The following HPSE2 variants were observed in gnomAD, a reference collection of about 807,000 sequenced individuals.
HPSE2 encodes inactive heparanase-2.
In HPSE2, 38 loss-of-function variants were observed where a neutral mutation model predicts 60.5. The observed-to-expected ratio is 0.63, with a 90% CI of 0.48 to 0.82. HPSE2 has a LOEUF of 0.82. Ranked by LOEUF, HPSE2 falls within the 40% of genes least tolerant of loss-of-function variation. The probability of loss-of-function intolerance (pLI) is 0.00; values close to 1 mark genes in which losing one functional copy is unlikely to be tolerated. For synonymous variants in HPSE2, 295 were observed against 293.2 expected, an observed-to-expected ratio of 1.01 and a Z score of -0.06; for missense variants, 713 against 740.4, an observed-to-expected ratio of 0.96 and a Z score of 0.43.
intron 9 of HPSE2, among the ~76,000 whole-genome samples, chr10:98,543,208 A>G (rs1303457895): frequency 6.6e-6 from 1 of 152,192 alleles, no homozygotes; most frequent in Non-Finnish European, 1.5e-5. Flanking sequence ...TCAATCTAGA[A>G]TTTCATATCC....
intron 3 of HPSE2, among the ~76,000 whole-genome samples, chr10:98,987,128 C>G (rs929221087): frequency 6.6e-6 from 1 of 152,082 alleles, no homozygotes; most frequent in African/African-American, 2.4e-5. Flanking sequence ...AGGGAATCCT[C>G]CCTAACTCAT....
At chr10:98,733,379 C>T (rs1442240962) in intron 4 of HPSE2, among the ~76,000 whole-genome samples, 2 of 152,192 alleles carry the variant, frequency 1.3e-5, no homozygotes, top group Non-Finnish European at 2.9e-5. Context: ...ACCTTGGCCT[C>T]TCAAAGTGCT....
At chr10:98,914,903 G>A (rs1342887012) in intron 3 of HPSE2, among the ~76,000 whole-genome samples, 1 of 150,556 alleles carries the variant, frequency 6.6e-6, no homozygotes, top group East Asian at 2.0e-4. Context: ...CTATGACAAA[G>A]ATCAATTTAA....
In HPSE2 at chr10:98,459,269, G is replaced by A; in HGVS notation, c.*305C>T. 2.5e-6 allele frequency: 1 copy of A among 401,928 alleles called. No individual in the cohort carries two copies. The highest frequency in any genetic ancestry group is 2.3e-5 in the South Asian group (1 of 43,688). 24.9% of individuals were successfully genotyped at this position (401,928 alleles called of 1,614,324 possible). ...GGAGTTGTCTGGAAACATTTCTCCT[G>A]GGAGTGTGCTGTCAGCTCGTTTTCA... On this transcript the variant is annotated 3_prime_UTR_variant, in exon 12 of 12. Coordinates refer to ENST00000370552, the MANE Select transcript of HPSE2 (RefSeq NM_021828.5).
intron 3 of HPSE2, among the ~76,000 whole-genome samples, chr10:99,100,611 A>G (rs924915353): frequency 7.2e-5 from 11 of 152,174 alleles, no homozygotes; most frequent in African/African-American, 1.4e-4. Flanking sequence ...AGCAAGGCAG[A>G]CCAACATTCA....
chr10:98,809,369 A>G (rs1049236754), intron 3 of HPSE2, among the ~76,000 whole-genome samples: 2 of 152,086 alleles, frequency 1.3e-5, no homozygotes, highest in African/African-American at 4.8e-5. Flanking sequence ...AAATTAGGGT[A>G]CTATTAATAT....
chr10:98,500,790 A>G (rs1942004013), intron 9 of HPSE2, among the ~76,000 whole-genome samples: 1 of 152,150 alleles, frequency 6.6e-6, no homozygotes. Flanking sequence ...AGAATAACCA[A>G]GAAAAGAAGA....
intron 9 of HPSE2, among the ~76,000 whole-genome samples, chr10:98,599,352 C>T (rs972817295): frequency 9.9e-5 from 15 of 152,154 alleles, no homozygotes; most frequent in Non-Finnish European, 1.3e-4. Context: ...ATGGCTAAGA[C>T]TGCAGGGGTG....
intron 3 of HPSE2, among the ~76,000 whole-genome samples, chr10:99,037,860 C>T (rs1215281165): frequency 1.3e-5 from 2 of 151,610 alleles, no homozygotes; most frequent in Non-Finnish European, 2.9e-5. Context: ...AACAAACAAC[C>T]CACTTAGAAA....
chr10:98,718,069 A>G (rs183967777), intron 5 of HPSE2, among the ~76,000 whole-genome samples: 4 of 152,284 alleles, frequency 2.6e-5, no homozygotes, highest in African/African-American at 7.2e-5. Context: ...CAATAAAAAC[A>G]TCTTTTAGGA....
At chr10:99,207,948 A>G (rs1224296316) in intron 2 of HPSE2, among the ~76,000 whole-genome samples, 1 of 150,986 alleles carries the variant, frequency 6.6e-6, no homozygotes, top group Non-Finnish European at 1.5e-5. Context: ...TAAATTAGGC[A>G]CAGTAAGAGA....
chr10:98,541,116 TAA>T (rs1309055864), intron 9 of HPSE2, among the ~76,000 whole-genome samples: 1 of 152,216 alleles, frequency 6.6e-6, no homozygotes, highest in Non-Finnish European at 1.5e-5. Context: ...CTTGTAGTTG[TAA>T]AAAGTTTTCC....
intron 9 of HPSE2, among the ~76,000 whole-genome samples, chr10:98,535,386 A>T (rs1239831892): frequency 1.3e-5 from 2 of 152,046 alleles, no homozygotes; most frequent in Admixed American, 1.3e-4. Flanking sequence ...AGAAAGGTAT[A>T]ATTGGGACAA....
chr10:98,591,025 G>A (rs1038128203), intron 9 of HPSE2, among the ~76,000 whole-genome samples: 3 of 152,020 alleles, frequency 2.0e-5, no homozygotes, highest in Non-Finnish European at 4.4e-5. Flanking sequence ...TGTAAATTAC[G>A]TCAAGAGACT....
Position 98,458,255 on chromosome 10 carries a change from C to G in HPSE2, c.*1319G>C, listed in dbSNP as rs902497890. 1.3e-5 allele frequency: 2 copies of G among 152,192 alleles called. No individual in the cohort carries two copies. Among genetic ancestry groups the G allele is most frequent in the African/African-American group, 4.8e-5 (2 of 41,410 alleles). 9.4% of individuals were successfully genotyped at this position (152,192 alleles called of 1,614,324 possible). Reference sequence around the variant, plus strand: ...AGTGTCAAATCTCTCCTCCTTCTAACAAAAGCATCATTCCTGTCATTTATC... The same window carrying G: ...AGTGTCAAATCTCTCCTCCTTCTAAGAAAAGCATCATTCCTGTCATTTATC... On this transcript the variant is annotated 3_prime_UTR_variant, in exon 12 of 12. Coordinates refer to ENST00000370552, the MANE Select transcript of HPSE2 (RefSeq NM_021828.5).
chr10:98,742,114 A>G (rs1042751228), intron 4 of HPSE2, among the ~76,000 whole-genome samples: 2 of 152,198 alleles, frequency 1.3e-5, no homozygotes, highest in African/African-American at 4.8e-5. Context: ...TATGATACTC[A>G]GGCAAGTCTG....
At chr10:99,241,922 CTCTA>C in the HPSE2 span, among the ~76,000 whole-genome samples, 3 of 152,170 alleles carry the variant, frequency 2.0e-5, no homozygotes, top group South Asian at 2.1e-4. Flanking sequence ...AAAAGGTGAA[CTCTA>C]TCTAATATAA....
chr10:98,751,633 A>G (rs1451416950), intron 3 of HPSE2, among the ~76,000 whole-genome samples: 1 of 152,198 alleles, frequency 6.6e-6, no homozygotes, highest in Admixed American at 6.5e-5. Context: ...ACTTATTCTA[A>G]TTGTGAGCAT....
chr10:98,719,135 TA>T (rs1264049035), intron 5 of HPSE2, among the ~76,000 whole-genome samples: 1 of 152,190 alleles, frequency 6.6e-6, no homozygotes, highest in Non-Finnish European at 1.5e-5. Context: ...CAATGCTTCA[TA>T]ATTACAATTA....
Sources: gnomAD v4.1 joint callset for allele counts (sites outside exome capture counted in the v4.1 genomes callset) on GRCh38, gnomAD v4.1.1 for gene constraint, MANE v1.5 for transcripts, NCBI Gene and HGNC (gene_info 2026-07-23, HGNC 2026-07-21) for gene names.